KLHL29: variants seen among roughly 807,000 people sequenced by gnomAD.
KLHL29 encodes kelch like family member 29.
Under a neutral mutation model 80.4 loss-of-function variants are expected in KLHL29, and 21 were observed. The ratio of observed to expected loss-of-function variants is 0.26; its 90% CI spans 0.19 to 0.38. The LOEUF (loss-of-function observed/expected upper bound fraction) is 0.38, where lower values mean the gene tolerates loss of function less well. KLHL29 is among the 10% of genes least tolerant of loss of function. The probability of loss-of-function intolerance (pLI) is 1.00; values close to 1 mark genes in which losing one functional copy is unlikely to be tolerated. For missense variants in KLHL29, 867 were observed against 1,223.9 expected (o/e 0.71, Z 4.35); for synonymous variants, 511 against 526.8 (o/e 0.97, Z 0.41).
At chr2:23,451,021 A>G (rs1663863793) in intron 1 of KLHL29, among the ~76,000 whole-genome samples, 1 of 152,214 alleles carries the variant, frequency 6.6e-6, no homozygotes, top group South Asian at 2.1e-4. Flanking sequence ...GACAGTGGAT[A>G]TCAATGGAAT....
At chr2:23,538,898 C>A (rs183413098) in intron 2 of KLHL29, among the ~76,000 whole-genome samples, 13 of 152,344 alleles carry the variant, frequency 8.5e-5, no homozygotes, top group Non-Finnish European at 1.5e-4. Context: ...CTCGTTCTTT[C>A]TTCATCATCA....
At chr2:23,663,459 C>T (rs962314683) in intron 5 of KLHL29, among the ~76,000 whole-genome samples, 9 of 152,244 alleles carry the variant, frequency 5.9e-5, no homozygotes, top group African/African-American at 1.7e-4. Flanking sequence ...AGGGGACCAC[C>T]GGGAGGTTCC....
chr2:23,517,664 T>C (rs891532030), intron 2 of KLHL29, among the ~76,000 whole-genome samples: 1 of 152,238 alleles, frequency 6.6e-6, no homozygotes. Context: ...GTTTCCCATT[T>C]TTCTCCTAAT....
At chr2:23,625,769 T>C (rs774873419) in intron 3 of KLHL29, among the ~76,000 whole-genome samples, 1 of 152,114 alleles carries the variant, frequency 6.6e-6, no homozygotes, top group African/African-American at 2.4e-5. Context: ...ATTGTGATGG[T>C]GTTTGGAGAT....
In KLHL29 at chr2:23,662,870, C is replaced by A. The variant is rs143808728; in HGVS notation, c.940+20020C>A. Among the ~76,000 whole-genome samples, 779 of 152,274 alleles carry A rather than the reference C, an allele frequency of 5.1e-3. 8 individuals carry two copies. Among genetic ancestry groups the A allele is most frequent in the African/African-American group, 0.018 (745 of 41,548 alleles). On this transcript the variant is annotated intron_variant, in intron 5 of 13. Transcript: ENST00000486442. The stretch of plus-strand genomic sequence containing the variant: ...GTGAGCAGGAAGCAATGAAACACAG[C>A]GGTGGGTTGAAAGCCGTAAATGCAA...
intron 2 of KLHL29, among the ~76,000 whole-genome samples, chr2:23,539,432 C>CT (rs869075602): frequency 0.027 from 697 of 25,780 alleles, 33 homozygotes; most frequent in Non-Finnish European, 0.036. Context: ...ATCCTGCCTC[C>CT]TTTTTTTTTT....
At chr2:23,477,653 G>A (rs962941376) in intron 2 of KLHL29, among the ~76,000 whole-genome samples, 7 of 152,282 alleles carry the variant, frequency 4.6e-5, no homozygotes, top group Admixed American at 1.3e-4. Flanking sequence ...CCTTGCTAGC[G>A]ATATCGCCGG....
intron 3 of KLHL29, among the ~76,000 whole-genome samples, chr2:23,622,522 G>A (rs991727885): frequency 7.9e-5 from 12 of 152,206 alleles, no homozygotes; most frequent in African/African-American, 2.2e-4. Flanking sequence ...CAAGAGGGAC[G>A]AAGCATGGAA....
rs538233048 is a variant in KLHL29, at chr2:23,503,427, A to G, written c.-46+27760A>G. Among the ~76,000 whole-genome samples the G allele has an allele frequency of 1.3e-5, 2 of 152,142 alleles. No homozygotes were observed. The highest frequency in any genetic ancestry group is 2.9e-5 in the Non-Finnish European group (2 of 68,026). On this transcript the variant is annotated intron_variant, in intron 2 of 13. Transcript: ENST00000486442. This position sits in a 1 kb window ranked among gnomAD's most constrained non-coding sequence, Gnocchi z 4.0. Reference sequence around the variant, plus strand: ...GGCCACTTACATGTTTGCCATGATCATTGCCAATCAAACTAGGAATGTTTA... The same window carrying G: ...GGCCACTTACATGTTTGCCATGATCGTTGCCAATCAAACTAGGAATGTTTA...
intron 2 of KLHL29, among the ~76,000 whole-genome samples, chr2:23,490,866 A>G (rs1665079170): frequency 6.6e-6 from 1 of 152,118 alleles, no homozygotes; most frequent in Non-Finnish European, 1.5e-5. Context: ...CCCTGGGCCC[A>G]TCCAGTTGCC....
intron 1 of KLHL29, among the ~76,000 whole-genome samples, chr2:23,391,097 C>G (rs964198362): frequency 1.3e-5 from 2 of 152,222 alleles, no homozygotes; most frequent in African/African-American, 2.4e-5. Context: ...ATTCTACTTC[C>G]TGTTTATACA....
At chr2:23,646,689 C>T (rs961512564) in intron 5 of KLHL29, among the ~76,000 whole-genome samples, 2 of 152,282 alleles carry the variant, frequency 1.3e-5, no homozygotes, top group South Asian at 4.1e-4. Flanking sequence ...CCTTCCTATT[C>T]TGGCACTGGA....
intron 2 of KLHL29, among the ~76,000 whole-genome samples, chr2:23,526,646 G>A (rs1166968988): frequency 2.0e-5 from 3 of 152,282 alleles, no homozygotes; most frequent in Admixed American, 6.5e-5. Context: ...AGCAGCAGCC[G>A]TGGGTCCAGA....
chr2:23,502,622 C>T (rs1262032788), intron 2 of KLHL29, among the ~76,000 whole-genome samples: 1 of 152,384 alleles, frequency 6.6e-6, no homozygotes, highest in Admixed American at 6.5e-5. Context: ...TCATCCCCCT[C>T]GTGTTTGGCC....
rs556758530 is a variant in KLHL29 at position 23,406,990 on chromosome 2, G to A, written c.-154+21210G>A. ...GTCACTTTGTAGCAGAATTGGGATC[G>A]TACTATATATATCATTTTCTTTCCT... On this transcript the variant is annotated intron_variant, in intron 1 of 13. Transcript: ENST00000486442. Among the ~76,000 whole-genome samples, 8 of 152,210 alleles carry A rather than the reference G, an allele frequency of 5.3e-5. No homozygotes were observed. In the South Asian group the frequency reaches 8.3e-4, roughly 16 times the overall value.
chr2:23,553,318 T>C (rs1667176683), intron 2 of KLHL29, among the ~76,000 whole-genome samples: 1 of 152,210 alleles, frequency 6.6e-6, no homozygotes, highest in Non-Finnish European at 1.5e-5. Context: ...CGAGAACCTT[T>C]CAGTTCACCT....
intron 3 of KLHL29, among the ~76,000 whole-genome samples, chr2:23,585,519 G>A (rs138610665): frequency 1.4e-3 from 208 of 152,294 alleles, no homozygotes; most frequent in Admixed American, 2.3e-3. Context: ...GAGAAGAGGG[G>A]AGGCTCAGAT....
At chr2:23,509,040 G>A (rs941856282) in intron 2 of KLHL29, among the ~76,000 whole-genome samples, 1 of 152,190 alleles carries the variant, frequency 6.6e-6, no homozygotes, top group Non-Finnish European at 1.5e-5. Context: ...AGAATCAAAT[G>A]GGTTACTGCT....
At chr2:23,610,734 G>T (rs1317195675) in intron 3 of KLHL29, among the ~76,000 whole-genome samples, 1 of 152,240 alleles carries the variant, frequency 6.6e-6, no homozygotes, top group African/African-American at 2.4e-5. Flanking sequence ...GGTCCTAACT[G>T]TGTCTCAATT....
Sources: gnomAD v4.1 joint callset for allele counts (sites outside exome capture counted in the v4.1 genomes callset) on GRCh38, gnomAD v4.1.1 for gene constraint, Gnocchi (gnomAD v3.1) non-coding constraint, MANE v1.5 for transcripts, NCBI Gene and HGNC (gene_info 2026-07-23, HGNC 2026-07-21) for gene names.